RAF1: variants seen among roughly 807,000 people sequenced by gnomAD.
RAF1 encodes Raf-1 proto-oncogene, serine/threonine kinase, also known as RAF proto-oncogene serine/threonine-protein kinase.
RAF1 carries 27 observed loss-of-function variants against 81.1 expected under a neutral mutation model. The observed-to-expected ratio is 0.33, with a 90% CI of 0.25 to 0.46. RAF1 has a LOEUF of 0.46. RAF1 is among the 20% of genes least tolerant of loss of function. The probability of loss-of-function intolerance (pLI) is 1.00; values close to 1 mark genes in which losing one functional copy is unlikely to be tolerated. For missense variants in RAF1, 598 were observed against 826.0 expected (o/e 0.72, Z 3.38); for synonymous variants, 298 against 294.0 (o/e 1.01, Z -0.14).
At position 12,587,577 on chromosome 3, in the gene RAF1, C is replaced by T. The variant is rs2058368452; in HGVS notation, c.1477+14G>A. ...GAACCGAGCAGTCAAATGAACTCAACAACCAAAGGATACTGTTGGATTTCA... is the reference window on the plus strand; with the variant it reads ...GAACCGAGCAGTCAAATGAACTCAATAACCAAAGGATACTGTTGGATTTCA... On this transcript the variant is annotated intron_variant, in intron 14 of 17. Transcript: ENST00000442415. The T allele has an allele frequency of 6.2e-7, 1 of 1,603,538 alleles. No individual in the cohort carries two copies. Among genetic ancestry groups the T allele is most frequent in the African/African-American group, 1.3e-5 (1 of 74,660 alleles).
chr3:12,633,648 A>G (rs1391414307), intron 1 of RAF1, among the ~76,000 whole-genome samples: 2 of 139,184 alleles, frequency 1.4e-5, no homozygotes, highest in East Asian at 5.1e-4. Flanking sequence ...AAAAAAAAAA[A>G]ATACAGGCCC....
At chr3:12,593,030 G>A (rs571567882) in intron 11 of RAF1, among the ~76,000 whole-genome samples, 11 of 150,256 alleles carry the variant, frequency 7.3e-5, no homozygotes, top group East Asian at 5.9e-4. Context: ...ATGAGCCACC[G>A]TGCCTGGCCA....
rs727505017 is a variant in RAF1 at position 12,604,201 on chromosome 3, A to G, written c.769T>C (p.Ser257Pro). The G allele has an allele frequency of 6.2e-7, 1 of 1,613,944 alleles. No individual in the cohort carries two copies. The highest frequency in any genetic ancestry group is 8.5e-7 in the Non-Finnish European group (1 of 1,179,980). Residue 257 changes from serine (S) to proline (P), a missense_variant, in exon 7 of 18, where the codon TCG becomes CCG. This residue lies in a region of RAF1 where 194 missense variants were observed against 202.7 expected (regional missense o/e 0.96). Transcript: ENST00000442415. ...ATGTGGACATTAGGTGTGGATGTCG[A>G]CCTCTGCCTCTGGGAGAGGGAACCT...
rs1309796068 is a variant in RAF1, at chr3:12,584,185, C to T, written c.*329G>A. 4.6e-6 allele frequency: 2 copies of T among 431,214 alleles called. No individual in the cohort carries two copies. Among genetic ancestry groups the T allele is most frequent in the African/African-American group, 2.0e-5 (1 of 51,198 alleles). The allele number at this position is 431,214 out of a possible 1,614,324, so 26.7% of individuals were successfully genotyped here. A position where few individuals can be genotyped will look rare whatever the true frequency, so the allele number is the denominator to read the frequency against. On this transcript the variant is annotated 3_prime_UTR_variant, in exon 18 of 18. Coordinates refer to ENST00000442415, the MANE Select transcript of RAF1 (RefSeq NM_001354689.3). ...CCTGCTACCTTACTTCCTCTAAATA[C>T]TCATGTAGCCAACAGCTGGGGCTGG...
At chr3:12,610,223 T>C (rs1220270468) in intron 3 of RAF1, among the ~76,000 whole-genome samples, 1 of 152,208 alleles carries the variant, frequency 6.6e-6, no homozygotes, top group African/African-American at 2.4e-5. Context: ...GAAAATAACA[T>C]GTATAGCACC....
rs1046099877 is a variant in RAF1, at chr3:12,583,934, A to T, written c.*580T>A. On this transcript the variant is annotated 3_prime_UTR_variant, in exon 18 of 18. Transcript: ENST00000442415. ...GGAAAACCATCCCAATGCACTGGACACCTTAGAAGCTGTGAAAGGAGGACG... is the reference window on the plus strand; with the variant it reads ...GGAAAACCATCCCAATGCACTGGACTCCTTAGAAGCTGTGAAAGGAGGACG... 4.2e-6 allele frequency: 1 copy of T among 238,336 alleles called. No homozygotes were observed. Among genetic ancestry groups the T allele is most frequent in the East Asian group, 6.0e-5 (1 of 16,768 alleles). The allele number at this position is 238,336 out of a possible 1,614,324, so 14.8% of individuals were successfully genotyped here. A position where few individuals can be genotyped will look rare whatever the true frequency, so the allele number is the denominator to read the frequency against.
chr3:12,600,136 T>C lies in RAF1; in HGVS notation c.1050+16A>G, dbSNP rs2125380028. 3.7e-6 allele frequency: 6 copies of C among 1,614,004 alleles called. No individual in the cohort carries two copies. Among genetic ancestry groups the C allele is most frequent in the Non-Finnish European group, 5.1e-6 (6 of 1,179,940 alleles). On this transcript the variant is annotated intron_variant, in intron 10 of 17. Transcript: ENST00000442415. Reference sequence around the variant, plus strand: ...CTGAACCCTAATTGGCAGGAGGTACTGTTGTCTATACTCACAATTTTGTTT... The same window carrying C: ...CTGAACCCTAATTGGCAGGAGGTACCGTTGTCTATACTCACAATTTTGTTT...
In RAF1 at chr3:12,650,690, C is replaced by T. The variant is rs190210113; in HGVS notation, c.-27+13123G>A. Among the ~76,000 whole-genome samples, 125 of 152,288 alleles carry T rather than the reference C, an allele frequency of 8.2e-4. 2 individuals are homozygous for T. Among genetic ancestry groups the T allele is most frequent in the African/African-American group, 2.9e-3 (122 of 41,558 alleles). On this transcript the variant is annotated intron_variant, in intron 1 of 17. Transcript: ENST00000442415. ...AAAGTTCAGGGAGACATGGTCCTTGCATTTCAGAACCCCTTAAAGTAGAAG... is the reference window on the plus strand; with the variant it reads ...AAAGTTCAGGGAGACATGGTCCTTGTATTTCAGAACCCCTTAAAGTAGAAG...
chr3:12,598,528 T>C (rs889586609), intron 11 of RAF1, among the ~76,000 whole-genome samples: 3 of 151,146 alleles, frequency 2.0e-5, no homozygotes, highest in South Asian at 4.2e-4. Flanking sequence ...AGTCCAGGAG[T>C]TGGAGACCAG....
chr3:12,609,136 CTA>C (rs151300313), intron 4 of RAF1, 95 bp downstream of exon 4: 2,821 of 977,036 alleles, frequency 2.9e-3, no homozygotes, highest in Non-Finnish European at 3.4e-3. Context: ...AACAATCCAA[CTA>C]TATATATATA....
chr3:12,584,408 G>C lies in RAF1; in HGVS notation c.*106C>G. 7.0e-7 allele frequency: 1 copy of C among 1,438,532 alleles called. No homozygotes were observed. Among genetic ancestry groups the C allele is most frequent in the Middle Eastern group, 2.3e-4 (1 of 4,316 alleles). The allele number at this position is 1,438,532 out of a possible 1,614,324, so 89.1% of individuals were successfully genotyped here. ...GCAGTCTAGAAGGTCCTTAGCAGCA[G>C]CTTCTCTGAAAACATGTGTTCTGCC... On this transcript the variant is annotated 3_prime_UTR_variant, in exon 18 of 18. Transcript: ENST00000442415.
At chr3:12,624,897 A>AAAAAAAC (rs2059657800) in intron 1 of RAF1, among the ~76,000 whole-genome samples, 1 of 139,088 alleles carries the variant, frequency 7.2e-6, no homozygotes, top group African/African-American at 2.7e-5. Context: ...AAAAAAAAAA[A>AAAAAAAC]AAAAACAAAA....
chr3:12,620,291 C>T (rs565413208), intron 1 of RAF1, among the ~76,000 whole-genome samples: 26 of 152,108 alleles, frequency 1.7e-4, no homozygotes, highest in South Asian at 2.1e-4. Context: ...TGCACCACCA[C>T]GCCCGACTGA....
chr3:12,649,597 A>T (rs1378373031), intron 1 of RAF1, among the ~76,000 whole-genome samples: 11 of 90,310 alleles, frequency 1.2e-4, no homozygotes, highest in African/African-American at 6.6e-4. Flanking sequence ...TGTCACACAC[A>T]CACACACACA....
intron 1 of RAF1, among the ~76,000 whole-genome samples, chr3:12,627,021 CAAAAAA>C (rs34692000): frequency 1.3e-5 from 1 of 77,020 alleles, no homozygotes. Context: ...GACTCTGTCT[CAAAAAA>C]AAAAAAAAAA....
At position 12,604,340 on chromosome 3, in the gene RAF1, T is replaced by C. The variant is rs753167954; in HGVS notation, c.681-51A>G. 18 of 1,581,806 alleles carry C rather than the reference T, an allele frequency of 1.1e-5. No homozygotes were observed. In the African/African-American group the frequency reaches 2.0e-4, roughly 18 times the overall value. Reference sequence around the variant, plus strand: ...ATTGGCACTTAGGCTTTCATACTGGTGAAGTCTTTCAAGTACATATTTGAC... The same window carrying C: ...ATTGGCACTTAGGCTTTCATACTGGCGAAGTCTTTCAAGTACATATTTGAC... On this transcript the variant is annotated intron_variant, in intron 6 of 17. Coordinates refer to ENST00000442415, the MANE Select transcript of RAF1 (RefSeq NM_001354689.3).
At chr3:12,599,661 C>T (rs1353327034) in intron 11 of RAF1, 30 bp downstream of exon 10, 6 of 1,559,994 alleles carry the variant, frequency 3.8e-6, no homozygotes, top group East Asian at 2.2e-5. Context: ...CAAAGCCCTG[C>T]AGTTAGTAAA....
rs2058321506 is a variant in RAF1, at chr3:12,585,977, C to G, written c.1478-178G>C. 3 of 612,132 alleles carry G rather than the reference C, an allele frequency of 4.9e-6. No individual in the cohort carries two copies. In the Admixed American group the frequency reaches 7.3e-5, roughly 15 times the overall value. 37.9% of individuals were successfully genotyped at this position (612,132 alleles called of 1,614,324 possible). A position where few individuals can be genotyped will look rare whatever the true frequency, so the allele number is the denominator to read the frequency against. On this transcript the variant is annotated intron_variant, in intron 14 of 17. Coordinates refer to ENST00000442415, the MANE Select transcript of RAF1 (RefSeq NM_001354689.3). ...AGTGCTTTTGAAATGCACCTTCTTCCAGAAGACAGGCAGGGATTGGTCAAT... is the reference window on the plus strand; with the variant it reads ...AGTGCTTTTGAAATGCACCTTCTTCGAGAAGACAGGCAGGGATTGGTCAAT...
intron 1 of RAF1, among the ~76,000 whole-genome samples, chr3:12,653,266 A>G (rs1002894093): frequency 1.3e-5 from 2 of 152,166 alleles, no homozygotes; most frequent in African/African-American, 4.8e-5. Context: ...TGGGTGACAG[A>G]GTGAGACTTT....
Sources: gnomAD v4.1 joint callset for allele counts (sites outside exome capture counted in the v4.1 genomes callset) on GRCh38, gnomAD v4.1.1 for gene constraint, gnomAD v4.1.1 regional missense constraint, MANE v1.5 for transcripts, NCBI Gene and HGNC (gene_info 2026-07-23, HGNC 2026-07-21) for gene names.